The following METTL4 variants were observed in gnomAD, a reference collection of about 807,000 sequenced individuals.
The protein encoded by METTL4 is N(6)-adenine-specific methyltransferase METTL4.
METTL4 carries 40 observed loss-of-function variants against 54.0 expected under a neutral mutation model. That is an observed-to-expected ratio of 0.74 (90% CI 0.58 to 0.96). The LOEUF (loss-of-function observed/expected upper bound fraction) is 0.96, where lower values mean the gene tolerates loss of function less well. METTL4 is among the 50% of genes least tolerant of loss of function. The pLI is 0.00. For synonymous variants in METTL4, 169 were observed against 183.8 expected, an observed-to-expected ratio of 0.92 and a Z score of 0.65; for missense variants, 525 against 549.0, an observed-to-expected ratio of 0.96 and a Z score of 0.44.
chr18:2,560,824 A>G (rs1287747126), intron 3 of METTL4, among the ~76,000 whole-genome samples: 2 of 152,198 alleles, frequency 1.3e-5, no homozygotes, highest in Non-Finnish European at 2.9e-5. Flanking sequence ...GTTTGCAGTG[A>G]GCGGAGATGG....
intron 6 of METTL4, among the ~76,000 whole-genome samples, chr18:2,546,042 G>C (rs1352067841): frequency 2.0e-5 from 3 of 152,002 alleles, no homozygotes; most frequent in Non-Finnish European, 4.4e-5. Flanking sequence ...TATCATAATA[G>C]GCAAGACGGA....
intron 3 of METTL4, among the ~76,000 whole-genome samples, 181 bp downstream of exon 3, chr18:2,563,616 A>AG (rs1198792442): frequency 6.6e-6 from 1 of 151,586 alleles, no homozygotes; most frequent in East Asian, 1.9e-4. Flanking sequence ...AAAAAAAAAA[A>AG]AAAAGACAAA....
At chr18:2,564,144 C>T (rs1057189497) in intron 2 of METTL4, among the ~76,000 whole-genome samples, 1 of 152,054 alleles carries the variant, frequency 6.6e-6, no homozygotes, top group African/African-American at 2.4e-5. Context: ...TGGCTCACGC[C>T]TGTAATCCCA....
chr18:2,539,148 G>A lies in METTL4; in HGVS notation c.1274-3C>T. The A allele has an allele frequency of 6.2e-7, 1 of 1,606,552 alleles. No homozygotes were observed. The highest frequency in any genetic ancestry group is 1.1e-5 in the South Asian group (1 of 89,930). ...CTTGATGTAGTCTTTTAAAACCTCT[G>A]TTTAAAAAAGAGAAAAAACACAAAA... On this transcript the variant is annotated splice_polypyrimidine_tract_variant and splice_region_variant and intron_variant, in intron 8 of 8. Transcript: ENST00000574538.
intron 3 of METTL4, among the ~76,000 whole-genome samples, chr18:2,557,512 G>C (rs1434486835): frequency 6.6e-6 from 1 of 152,132 alleles, no homozygotes; most frequent in Non-Finnish European, 1.5e-5. Context: ...AGATGGAGTA[G>C]TGTCTCCCCA....
intron 7 of METTL4, 28 bp from the exon 8 acceptor site, chr18:2,544,314 T>C: frequency 1.3e-6 from 2 of 1,545,162 alleles, no homozygotes; most frequent in Non-Finnish European, 1.8e-6. Flanking sequence ...GAAAGTAAAC[T>C]ATATTTTAAA....
chr18:2,540,119 G>A (rs1011901513), intron 8 of METTL4: 1 of 983,190 alleles, frequency 1.0e-6, no homozygotes, highest in Non-Finnish European at 1.2e-6. Flanking sequence ...ATTGTATTTT[G>A]TTGGGGAAAG....
At chr18:2,570,722 T>C (rs1413328613) in intron 1 of METTL4, among the ~76,000 whole-genome samples, 1 of 151,998 alleles carries the variant, frequency 6.6e-6, no homozygotes, top group African/African-American at 2.4e-5. Flanking sequence ...ACGGGAAAAT[T>C]GAAACTCAGA....
At chr18:2,557,558 T>C (rs757032151) in intron 3 of METTL4, among the ~76,000 whole-genome samples, 1 of 152,194 alleles carries the variant, frequency 6.6e-6, no homozygotes, top group Non-Finnish European at 1.5e-5. Context: ...TCCAGGTTAA[T>C]AAAGTCTCCC....
At position 2,543,643 on chromosome 18, in the gene METTL4, T is replaced by C. The variant is rs140904881; in HGVS notation, c.1273+552A>G. Among the ~76,000 whole-genome samples the C allele has an allele frequency of 1.9e-3, 291 of 152,294 alleles. 2 individuals are homozygous for C. The highest frequency in any genetic ancestry group is 6.8e-3 in the African/African-American group (282 of 41,552). On this transcript the variant is annotated intron_variant, in intron 8 of 8. Coordinates refer to ENST00000574538, the MANE Select transcript of METTL4 (RefSeq NM_022840.5). Reference sequence around the variant, plus strand: ...CCATTTCTAAAGCCAAATTCCCCACTATTCCCTGCTGCATAGTTTCATTGA... The same window carrying C: ...CCATTTCTAAAGCCAAATTCCCCACCATTCCCTGCTGCATAGTTTCATTGA...
intron 2 of METTL4, among the ~76,000 whole-genome samples, chr18:2,565,542 GAA>G (rs1042976794): frequency 1.3e-5 from 2 of 151,914 alleles, no homozygotes; most frequent in African/African-American, 2.4e-5. Context: ...ATATGCACAA[GAA>G]AAAAGTCACA....
intron 8 of METTL4, among the ~76,000 whole-genome samples, chr18:2,539,484 T>TAA (rs1186465514): frequency 4.1e-4 from 47 of 113,294 alleles, no homozygotes; most frequent in African/African-American, 8.1e-4. Context: ...TTTATTTAAT[T>TAA]TTTTTTTTTT....
Position 2,554,882 on chromosome 18 carries a change from T to C in METTL4, c.616A>G (p.Lys206Glu). 6.2e-7 allele frequency: 1 copy of C among 1,614,060 alleles called. No individual in the cohort carries two copies. The highest frequency in any genetic ancestry group is 8.5e-7 in the Non-Finnish European group (1 of 1,179,942). ...ATTTCATTCAGAGAAGGCAAATGCT[T>C]TGCCATTTCACATAATTCTGACAAA... ...CSLSELCEMA[K>E]HLPSLNEMEH... Residue 206 changes from lysine to glutamate, a missense_variant, in exon 4 of 9, where the codon AAG becomes GAG. Lys to Glu is a moderately conservative substitution (Grantham distance 56). Coordinates refer to ENST00000574538, the MANE Select transcript of METTL4 (RefSeq NM_022840.5).
intron 5 of METTL4, among the ~76,000 whole-genome samples, chr18:2,550,872 G>A (rs2644178): frequency 0.5 from 75,668 of 151,968 alleles, 19,516 homozygotes; most frequent in African/African-American, 0.61. Flanking sequence ...AATCAATAAG[G>A]ATATTATATC....
At chr18:2,569,453 C>A (rs542233404) in intron 1 of METTL4, among the ~76,000 whole-genome samples, 1 of 152,272 alleles carries the variant, frequency 6.6e-6, no homozygotes, top group South Asian at 2.1e-4. Flanking sequence ...CTTACATGGC[C>A]TGGAGTCTCC....
At chr18:2,557,541 T>A (rs2072256887) in intron 3 of METTL4, among the ~76,000 whole-genome samples, 1 of 152,198 alleles carries the variant, frequency 6.6e-6, no homozygotes. Flanking sequence ...GATAGACTTG[T>A]ATGCTGTCCA....
At chr18:2,569,487 C>T (rs1208559155) in intron 1 of METTL4, among the ~76,000 whole-genome samples, 1 of 152,076 alleles carries the variant, frequency 6.6e-6, no homozygotes, top group African/African-American at 2.4e-5. Context: ...ACCGCTCTCC[C>T]TTCCTCCCAC....
intron 6 of METTL4, among the ~76,000 whole-genome samples, chr18:2,546,136 CTG>C (rs1394788220): frequency 6.6e-6 from 1 of 152,074 alleles, no homozygotes; most frequent in Non-Finnish European, 1.5e-5. Flanking sequence ...AAAGATACAA[CTG>C]TAAGTCTTTG....
chr18:2,560,206 G>T (rs902518187), intron 3 of METTL4, among the ~76,000 whole-genome samples: 54 of 152,150 alleles, frequency 3.5e-4, no homozygotes, highest in African/African-American at 1.2e-3. Context: ...TGTTGCTAAA[G>T]CTGTGCCCAG....
Sources: gnomAD v4.1 joint callset for allele counts (sites outside exome capture counted in the v4.1 genomes callset) on GRCh38, gnomAD v4.1.1 for gene constraint, MANE v1.5 for transcripts, NCBI Gene and HGNC (gene_info 2026-07-23, HGNC 2026-07-21) for gene names.